The following ESPNL variants were observed in gnomAD, a reference collection of about 807,000 sequenced individuals.
The protein encoded by ESPNL is espin-like protein.
ESPNL carries 49 observed loss-of-function variants against 46.8 expected under a neutral mutation model. That is an observed-to-expected ratio of 1.05 (90% confidence interval 0.83 to 1.33). ESPNL has a LOEUF of 1.33. ESPNL is among the 40% of genes most tolerant of loss of function. ESPNL has a pLI of 0.00. For missense variants in ESPNL, 1,540 were observed against 1,436.6 expected, an observed-to-expected ratio of 1.07 and a Z score of -1.16; for synonymous variants, 664 against 662.1, an observed-to-expected ratio of 1.00 and a Z score of -0.04.
At chr2:238,127,467 C>A (rs1692165152) in intron 6 of ESPNL, 155 bp from the exon 7 acceptor site, 1 of 1,393,286 alleles carries the variant, frequency 7.2e-7, no homozygotes, top group East Asian at 2.9e-5. Context: ...CAGTGGGGCC[C>A]CCGAGGTGTT....
chr2:238,118,696 G>A (rs1259381053), intron 5 of ESPNL, among the ~76,000 whole-genome samples: 4 of 141,678 alleles, frequency 2.8e-5, no homozygotes, highest in Non-Finnish European at 3.1e-5. Context: ...GAGGAGGGTG[G>A]ATAGAGGAGG....
intron 3 of ESPNL, among the ~76,000 whole-genome samples, chr2:238,106,366 C>T (rs1440978756): frequency 1.3e-5 from 2 of 152,196 alleles, no homozygotes; most frequent in East Asian, 1.9e-4. Flanking sequence ...ATGGCGCTGG[C>T]CTGCTCCCCG....
chr2:238,116,530 G>A (rs1691818576), intron 4 of ESPNL, among the ~76,000 whole-genome samples: 1 of 152,148 alleles, frequency 6.6e-6, no homozygotes, highest in Admixed American at 6.5e-5. Context: ...GTCTCTCTGA[G>A]CCTCGTCTCT....
intron 7 of ESPNL, among the ~76,000 whole-genome samples, chr2:238,128,440 G>C (rs1404988536): frequency 6.6e-6 from 1 of 152,186 alleles, no homozygotes; most frequent in African/African-American, 2.4e-5. Context: ...ACAGGGGACG[G>C]GGAGGGACCT....
chr2:238,108,634 C>T (rs1020559010), intron 4 of ESPNL, among the ~76,000 whole-genome samples: 2 of 152,196 alleles, frequency 1.3e-5, no homozygotes, highest in Admixed American at 6.5e-5. Flanking sequence ...CCTGGTTCCC[C>T]ACGTTCTTCC....
Position 238,131,346 on chromosome 2 carries a change from C to T in ESPNL, c.2632C>T (p.Arg878Cys), listed in dbSNP as rs201161994. 56 of 1,594,850 alleles carry T rather than the reference C, an allele frequency of 3.5e-5. No homozygotes were observed. The East Asian group carries it at 7.5e-4, about 21-fold the overall frequency. The change falls in exon 9 of 9, where the codon CGC becomes TGC. Residue 878 changes from arginine (R) to cysteine (C), a missense_variant. Transcript: ENST00000343063. ...CCTGCCGGCGGAGGAGCGGAAGCTG[C>T]GCCACCTGCTGTGCTTCGAGGTCTT... is the stretch of plus-strand genomic sequence containing the variant. ...CDLPAEERKL[R>C]HLLCFEVFEH...
chr2:238,119,406 A>AG (rs746629551), intron 5 of ESPNL, among the ~76,000 whole-genome samples: 6,715 of 82,684 alleles, frequency 0.081, 891 homozygotes, highest in East Asian at 0.17. Flanking sequence ...TGGATGGAGG[A>AG]GGTGGATGGA....
Position 238,128,742 on chromosome 2 carries a change from T to C in ESPNL, c.1251T>C (p.Asp417=), listed in dbSNP as rs1231921247. The C allele has an allele frequency of 8.1e-6, 13 of 1,601,734 alleles. No homozygotes were observed. The highest frequency in any genetic ancestry group is 1.0e-5 in the Non-Finnish European group (12 of 1,175,110). The change falls in exon 8 of 9, where the codon GAT becomes GAC. Residue 417 remains aspartate (D), a synonymous_variant. Transcript: ENST00000343063. ...CGGCGCTGGCGGGGGACACCTCAGA[T>C]GGCCTGGCCGCACTACAGCTGGATG... ...TETALAGDTS[D]GLAALQLDGL...
chr2:238,126,621 C>CTGTG (rs1047957175), intron 6 of ESPNL, among the ~76,000 whole-genome samples: 11 of 133,162 alleles, frequency 8.3e-5, no homozygotes, highest in African/African-American at 3.2e-4. Flanking sequence ...GTGTCCGTGT[C>CTGTG]TGTGTGTCTG....
intron 4 of ESPNL, among the ~76,000 whole-genome samples, chr2:238,115,613 T>C (rs2106469681): frequency 6.6e-6 from 1 of 152,360 alleles, no homozygotes; most frequent in East Asian, 1.9e-4. Context: ...GAATGAACAC[T>C]AATTGCACCT....
At chr2:238,113,776 A>G (rs67432048) in intron 4 of ESPNL, among the ~76,000 whole-genome samples, 24,994 of 152,100 alleles carry the variant, frequency 0.16, 2,154 homozygotes, top group East Asian at 0.24. Flanking sequence ...GTGGTCAACC[A>G]GAGCCCCCAC....
rs1559267551 is a variant in ESPNL at position 238,127,683 on chromosome 2, G to GACC, written c.1166_1168dup (p.Thr389dup). ...ACCAGCCTCTTCCCAGGGAGCAGAT[G>GACC]ACCAGCCCGGCCCCTCCGAGGATCA... On this transcript the variant is annotated inframe_insertion, in exon 7 of 9. Coordinates refer to ENST00000343063, the MANE Select transcript of ESPNL (RefSeq NM_194312.4). 3 of 1,612,530 alleles carry GACC rather than the reference G, an allele frequency of 1.9e-6. No individual in the cohort carries two copies. The South Asian group carries it at 3.3e-5, about 18-fold the overall frequency.
chr2:238,113,902 T>G (rs1210343486), intron 4 of ESPNL, among the ~76,000 whole-genome samples: 1 of 152,210 alleles, frequency 6.6e-6, no homozygotes, highest in East Asian at 1.9e-4. Context: ...AGAGCAGTTC[T>G]GAGTGCTGGG....
intron 7 of ESPNL, 38 bp downstream of exon 7, chr2:238,127,772 C>T (rs1484961377): frequency 2.0e-6 from 3 of 1,508,886 alleles, no homozygotes; most frequent in Admixed American, 1.9e-5. Flanking sequence ...CTCCCGGGGC[C>T]CCTAGCCAGC....
At chr2:238,126,080 CTG>C (rs1384721767) in intron 6 of ESPNL, among the ~76,000 whole-genome samples, 18 of 148,834 alleles carry the variant, frequency 1.2e-4, no homozygotes, top group South Asian at 2.1e-4. Context: ...TCATGTGTGT[CTG>C]TGTGTGACTA....
rs1288870063 is a variant in ESPNL at position 238,130,556 on chromosome 2, A to G, written c.1842A>G (p.Val614=). 6.3e-7 allele frequency: 1 copy of G among 1,587,544 alleles called. No individual in the cohort carries two copies. Among genetic ancestry groups the G allele is most frequent in the South Asian group, 1.1e-5 (1 of 87,410 alleles). The change falls in exon 9 of 9, where the codon GTA becomes GTG. Residue 614 remains valine (V), a synonymous_variant. Transcript: ENST00000343063. The part of the protein sequence containing the change: ...SLLLKGVHGL[V]QGDEKPSTRP... ...TGCTGAAGGGCGTGCATGGGCTAGTACAGGGGGATGAGAAGCCATCCACCC... is the reference window on the plus strand; with the variant it reads ...TGCTGAAGGGCGTGCATGGGCTAGTGCAGGGGGATGAGAAGCCATCCACCC...
In ESPNL at chr2:238,100,653, T is replaced by C; in HGVS notation, c.234T>C (p.Ala78=). The C allele has an allele frequency of 6.9e-7, 1 of 1,447,752 alleles. No homozygotes were observed. The highest frequency in any genetic ancestry group is 9.0e-7 in the Non-Finnish European group (1 of 1,107,650). 89.7% of individuals were successfully genotyped at this position (1,447,752 alleles called of 1,614,324 possible). A position where few individuals can be genotyped will look rare whatever the true frequency, so the allele number is the denominator to read the frequency against. ...GGGCCACCCCAGCGCATGACGCCGC[T>C]GCCACGGGCAGCCTGGCCGAGCTGT... ...HNGATPAHDA[A]ATGSLAELCW... is the part of the protein sequence containing the mutation. Residue 78 remains alanine (A), a synonymous_variant, in exon 1 of 9, where the codon GCT becomes GCC. Transcript: ENST00000343063.
chr2:238,111,232 A>G (rs991790735), intron 4 of ESPNL, among the ~76,000 whole-genome samples: 1 of 152,138 alleles, frequency 6.6e-6, no homozygotes, highest in Non-Finnish European at 1.5e-5. Context: ...CGGCCTAGTT[A>G]TCCTTTGAAT....
chr2:238,100,345 C>T lies in ESPNL; in HGVS notation c.-75C>T, dbSNP rs1182970379. Reference sequence around the variant, plus strand: ...TGGCAGCTTATCGGGTAACCAGAGCCGGCAGCTTCATCCACGTCTGAAACA... The same window carrying T: ...TGGCAGCTTATCGGGTAACCAGAGCTGGCAGCTTCATCCACGTCTGAAACA... On this transcript the variant is annotated 5_prime_UTR_variant, in exon 1 of 9. Coordinates refer to ENST00000343063, the MANE Select transcript of ESPNL (RefSeq NM_194312.4). 44 of 1,409,056 alleles carry T rather than the reference C, an allele frequency of 3.1e-5. No individual in the cohort carries two copies. The highest frequency in any genetic ancestry group is 3.8e-5 in the Non-Finnish European group (41 of 1,076,366). The allele number at this position is 1,409,056 out of a possible 1,614,324, so 87.3% of individuals were successfully genotyped here. A position where few individuals can be genotyped will look rare whatever the true frequency, so the allele number is the denominator to read the frequency against.
Sources: gnomAD v4.1 joint callset for allele counts (sites outside exome capture counted in the v4.1 genomes callset) on GRCh38, gnomAD v4.1.1 for gene constraint, MANE v1.5 for transcripts, NCBI Gene and HGNC (gene_info 2026-07-23, HGNC 2026-07-21) for gene names.